HEMK2: variants seen among roughly 807,000 people sequenced by gnomAD.
The protein encoded by HEMK2 is HemK methyltransferase 2, ETF1 glutamine and histone H4 lysine, also known as methyltransferase HEMK2.
chr21:28,726,280 C>T, the HEMK2 span, among the ~76,000 whole-genome samples: 71,023 of 151,792 alleles, frequency 0.47, 18,402 homozygotes, highest in East Asian at 0.84. Flanking sequence ...TAGTTCACAA[C>T]TGATCAAAAC....
At chr21:28,613,870 G>A in the HEMK2 span, among the ~76,000 whole-genome samples, 1 of 152,050 alleles carries the variant, frequency 6.6e-6, no homozygotes, top group Non-Finnish European at 1.5e-5. Flanking sequence ...TTGCTGACTA[G>A]GACTTACATT....
the HEMK2 span, among the ~76,000 whole-genome samples, chr21:28,789,685 T>C: frequency 3.9e-5 from 6 of 152,158 alleles, no homozygotes; most frequent in Non-Finnish European, 5.9e-5. Context: ...ATACGAGTAA[T>C]TGGAGAAAGT....
chr21:28,604,880 A>C, the HEMK2 span, among the ~76,000 whole-genome samples: 1 of 152,128 alleles, frequency 6.6e-6, no homozygotes, highest in East Asian at 1.9e-4. Flanking sequence ...GTCTTCTTTG[A>C]TGCATTGGGA....
At chr21:28,580,685 A>T in the HEMK2 span, among the ~76,000 whole-genome samples, 1 of 152,060 alleles carries the variant, frequency 6.6e-6, no homozygotes, top group African/African-American at 2.4e-5. Context: ...TTCACTACAC[A>T]CTCAGCCTCC....
At chr21:28,742,696 G>C in the HEMK2 span, among the ~76,000 whole-genome samples, 2 of 151,926 alleles carry the variant, frequency 1.3e-5, no homozygotes, top group African/African-American at 4.8e-5. Context: ...AAAAAAAATG[G>C]GGGAGGGAGA....
At chr21:28,701,454 C>T in the HEMK2 span, among the ~76,000 whole-genome samples, 4 of 151,796 alleles carry the variant, frequency 2.6e-5, no homozygotes, top group African/African-American at 9.7e-5. Context: ...TTTCAGTATA[C>T]AAAATTAATG....
chr21:28,796,825 C>T, the HEMK2 span, among the ~76,000 whole-genome samples: 1 of 152,206 alleles, frequency 6.6e-6, no homozygotes, highest in Non-Finnish European at 1.5e-5. Context: ...CCGCCTTAGC[C>T]TCCCAAAGTG....
At chr21:28,803,906 A>G in the HEMK2 span, among the ~76,000 whole-genome samples, 7 of 152,352 alleles carry the variant, frequency 4.6e-5, no homozygotes, top group Non-Finnish European at 1.0e-4. Flanking sequence ...TTTCATGGGC[A>G]AGAGAAGGGC....
the HEMK2 span, among the ~76,000 whole-genome samples, chr21:28,602,706 C>G: frequency 2.6e-5 from 4 of 152,190 alleles, no homozygotes; most frequent in Non-Finnish European, 4.4e-5. Context: ...AGGAATCTTG[C>G]ATGTGCAGTG....
At chr21:28,721,647 C>G in the HEMK2 span, among the ~76,000 whole-genome samples, 1 of 152,012 alleles carries the variant, frequency 6.6e-6, no homozygotes, top group Admixed American at 6.5e-5. Context: ...AACTAGACCA[C>G]CATATAACAG....
At chr21:28,840,458 C>T in the HEMK2 span, among the ~76,000 whole-genome samples, 2 of 152,082 alleles carry the variant, frequency 1.3e-5, no homozygotes, top group South Asian at 2.1e-4. Context: ...TCTTCACAAT[C>T]GATACATCTG....
chr21:28,775,134 A>ATGCC, the HEMK2 span, among the ~76,000 whole-genome samples: 2 of 152,242 alleles, frequency 1.3e-5, no homozygotes, highest in Non-Finnish European at 2.9e-5. Context: ...CATTAGAGAT[A>ATGCC]ATCTTATGCC....
chr21:28,630,150 A>G, the HEMK2 span, among the ~76,000 whole-genome samples: 1 of 151,876 alleles, frequency 6.6e-6, no homozygotes, highest in African/African-American at 2.4e-5. Flanking sequence ...TTTGCTGTAA[A>G]GTTATAAAGC....
the HEMK2 span, among the ~76,000 whole-genome samples, chr21:28,856,582 G>C: frequency 2.0e-5 from 3 of 152,220 alleles, no homozygotes; most frequent in East Asian, 5.8e-4. Flanking sequence ...CTTCAATTGA[G>C]GTATCCAGGT....
At chr21:28,665,522 G>A in the HEMK2 span, among the ~76,000 whole-genome samples, 10 of 151,020 alleles carry the variant, frequency 6.6e-5, no homozygotes, top group Middle Eastern at 3.4e-3. Context: ...TGGGTGCAGC[G>A]CACCAACATG....
the HEMK2 span, among the ~76,000 whole-genome samples, chr21:28,751,353 A>G: frequency 2.0e-5 from 3 of 152,148 alleles, no homozygotes; most frequent in East Asian, 3.8e-4. Flanking sequence ...AATTCTTCCT[A>G]AATGATCTTG....
chr21:28,880,794 G>A, the HEMK2 span, among the ~76,000 whole-genome samples: 8 of 150,894 alleles, frequency 5.3e-5, no homozygotes, highest in African/African-American at 9.7e-5. Flanking sequence ...AAATCACCAC[G>A]TTGATCTCAT....
the HEMK2 span, among the ~76,000 whole-genome samples, chr21:28,680,561 A>G: frequency 6.6e-6 from 1 of 152,220 alleles, no homozygotes; most frequent in African/African-American, 2.4e-5. Flanking sequence ...TGAGGCCAGC[A>G]TCATCCTGAT....
At chr21:28,614,604 A>G in the HEMK2 span, among the ~76,000 whole-genome samples, 138 of 152,322 alleles carry the variant, frequency 9.1e-4, no homozygotes, top group Non-Finnish European at 1.6e-3. Context: ...CATGGTAGGC[A>G]ATTTGTAAAA....
Sources: gnomAD v4.1 joint callset for allele counts (sites outside exome capture counted in the v4.1 genomes callset) on GRCh38, gnomAD v4.1.1 for gene constraint, MANE v1.5 for transcripts, NCBI Gene and HGNC (gene_info 2026-07-23, HGNC 2026-07-21) for gene names.